Variants in MFAP1 observed in about 807,000 individuals in gnomAD.
MFAP1 encodes the protein microfibril associated protein 1.
A neutral mutation model predicts 62.2 loss-of-function variants in MFAP1; 18 were observed. The ratio of observed to expected loss-of-function variants is 0.29; its 90% confidence interval spans 0.20 to 0.43. The LOEUF is 0.43. MFAP1 is among the 20% of genes least tolerant of loss of function. The pLI is 1.00. For missense variants in MFAP1, 355 were observed against 559.7 expected, an observed-to-expected ratio of 0.63 and a Z score of 3.69; for synonymous variants, 175 against 180.4, an observed-to-expected ratio of 0.97 and a Z score of 0.24.
intron 6 of MFAP1, among the ~76,000 whole-genome samples, chr15:43,810,649 G>C (rs773660546): frequency 6.6e-6 from 1 of 152,168 alleles, no homozygotes; most frequent in Non-Finnish European, 1.5e-5. Context: ...TTATAGGCGT[G>C]AGCCACTGCG....
intron 7 of MFAP1, among the ~76,000 whole-genome samples, chr15:43,808,269 G>C (rs902123038): frequency 6.6e-6 from 1 of 152,226 alleles, no homozygotes; most frequent in Non-Finnish European, 1.5e-5. Flanking sequence ...GCAGTGGCAC[G>C]ATCACGGCTG....
chr15:43,813,167 C>T lies in MFAP1; in HGVS notation c.727-20G>A. ...GACAATCTGGATAGGGAGAACAATTCAGCTTGGACTTCCTTACTCTCCTCA... is the reference window on the plus strand; with the variant it reads ...GACAATCTGGATAGGGAGAACAATTTAGCTTGGACTTCCTTACTCTCCTCA... On this transcript the variant is annotated intron_variant, in intron 5 of 8. Coordinates refer to ENST00000267812, the MANE Select transcript of MFAP1 (RefSeq NM_005926.3). The T allele has an allele frequency of 6.2e-7, 1 of 1,613,952 alleles. No homozygotes were observed. The highest frequency in any genetic ancestry group is 1.7e-5 in the Admixed American group (1 of 59,944).
chr15:43,812,204 A>AG (rs2087406183), intron 6 of MFAP1, among the ~76,000 whole-genome samples: 1 of 151,822 alleles, frequency 6.6e-6, no homozygotes, highest in African/African-American at 2.4e-5. Context: ...AAAAAAAAAA[A>AG]GATTCTGCTC....
At position 43,824,612 on chromosome 15, in the gene MFAP1, A is replaced by G. The variant is rs1490153002; in HGVS notation, c.-43T>C. 1 of 1,604,590 alleles carries G rather than the reference A, an allele frequency of 6.2e-7. No homozygotes were observed. Among genetic ancestry groups the G allele is most frequent in the Non-Finnish European group, 8.5e-7 (1 of 1,171,356 alleles). ...TGATTCCCGAAACTTGACTAATTCCAAACAGTGAACACCAGCAACGTCAAC... is the reference window on the plus strand; with the variant it reads ...TGATTCCCGAAACTTGACTAATTCCGAACAGTGAACACCAGCAACGTCAAC... On this transcript the variant is annotated 5_prime_UTR_variant, in exon 1 of 9. Transcript: ENST00000267812.
chr15:43,822,329 G>A (rs2955969), intron 1 of MFAP1, among the ~76,000 whole-genome samples: 92,475 of 152,062 alleles, frequency 0.61, 31,142 homozygotes, highest in East Asian at 0.73. Flanking sequence ...CAAGTGTGTA[G>A]ATGATGAATA....
intron 1 of MFAP1, among the ~76,000 whole-genome samples, chr15:43,818,302 A>G (rs2141711413): frequency 6.6e-6 from 1 of 152,284 alleles, no homozygotes; most frequent in Non-Finnish European, 1.5e-5. Context: ...TACAGGCGTG[A>G]GCCACAGCAC....
chr15:43,824,585 G>A lies in MFAP1; in HGVS notation c.-16C>T, dbSNP rs1383292019. 1.5e-5 allele frequency: 25 copies of A among 1,613,876 alleles called. No homozygotes were observed. Among genetic ancestry groups the A allele is most frequent in the Non-Finnish European group, 2.1e-5 (25 of 1,179,910 alleles). The stretch of plus-strand genomic sequence containing the variant: ...GGACCGACATGTTGATGGCAGCGAC[G>A]GTGATTCCCGAAACTTGACTAATTC... On this transcript the variant is annotated 5_prime_UTR_variant, in exon 1 of 9. Coordinates refer to ENST00000267812, the MANE Select transcript of MFAP1 (RefSeq NM_005926.3).
chr15:43,811,348 G>A (rs2141706638), intron 6 of MFAP1, among the ~76,000 whole-genome samples: 1 of 149,854 alleles, frequency 6.7e-6, no homozygotes, highest in South Asian at 2.1e-4. Flanking sequence ...CCCAGGGGGT[G>A]GAGGTTGTAG....
intron 1 of MFAP1, among the ~76,000 whole-genome samples, chr15:43,820,673 A>G (rs2141712929): frequency 6.6e-6 from 1 of 152,296 alleles, no homozygotes; most frequent in South Asian, 2.1e-4. Flanking sequence ...TGGCGCAATC[A>G]TGGCTCACCG....
At chr15:43,823,951 T>A (rs1260471468) in intron 1 of MFAP1, among the ~76,000 whole-genome samples, 2 of 152,142 alleles carry the variant, frequency 1.3e-5, no homozygotes, top group East Asian at 3.9e-4. Flanking sequence ...AGAGGGACTG[T>A]ATCCCGCACA....
chr15:43,816,552 C>G (rs2087435096), intron 2 of MFAP1, among the ~76,000 whole-genome samples: 1 of 152,088 alleles, frequency 6.6e-6, no homozygotes, highest in Admixed American at 6.6e-5. Flanking sequence ...GCCATGGGCA[C>G]TGTTAATCTT....
intron 2 of MFAP1, among the ~76,000 whole-genome samples, chr15:43,816,588 A>T (rs2087435518): frequency 6.6e-6 from 1 of 152,138 alleles, no homozygotes; most frequent in East Asian, 1.9e-4. Context: ...TTAGGACATA[A>T]ATACTTATTA....
intron 6 of MFAP1, among the ~76,000 whole-genome samples, chr15:43,810,321 TA>T (rs1359603243): frequency 1.3e-5 from 2 of 151,806 alleles, no homozygotes; most frequent in African/African-American, 2.4e-5. Flanking sequence ...TTGCATGTCA[TA>T]AACCAAAGAT....
At chr15:43,811,626 G>A (rs1261873032) in intron 6 of MFAP1, among the ~76,000 whole-genome samples, 2 of 150,354 alleles carry the variant, frequency 1.3e-5, no homozygotes, top group Admixed American at 1.3e-4. Flanking sequence ...TCTTGCCTCC[G>A]CCTCCCGAGT....
rs1182939575 is a variant in MFAP1, at chr15:43,817,483, T to C, written c.80-35A>G. 5 of 1,607,720 alleles carry C rather than the reference T, an allele frequency of 3.1e-6. 1 individual carries two copies. The South Asian group carries it at 5.5e-5, about 18-fold the overall frequency. ...AAAGGTAACTTATGTTTCAGTAGCC[T>C]CTTTCTCAATGTGCTTCAACCCATC... On this transcript the variant is annotated intron_variant, in intron 1 of 8. Coordinates refer to ENST00000267812, the MANE Select transcript of MFAP1 (RefSeq NM_005926.3).
intron 1 of MFAP1, among the ~76,000 whole-genome samples, chr15:43,817,921 G>A (rs1171853965): frequency 6.6e-6 from 1 of 151,774 alleles, no homozygotes; most frequent in East Asian, 1.9e-4. Flanking sequence ...ACTGCCACAT[G>A]ACTCAATATT....
Position 43,815,060 on chromosome 15 carries a change from C to T in MFAP1, c.314G>A (p.Arg105Gln), listed in dbSNP as rs760983515. 4 of 1,614,034 alleles carry T rather than the reference C, an allele frequency of 2.5e-6. No homozygotes were observed. The highest frequency in any genetic ancestry group is 1.7e-5 in the Admixed American group (1 of 60,002). ...EDVEERLARH[R>Q]KIVEPEVVGE... is the part of the protein sequence containing the mutation. ...TACCACTTCAGGTTCCACTATTTTTCGATGTCGAGCCAATCTGAAAAACAG... is the reference window on the plus strand; with the variant it reads ...TACCACTTCAGGTTCCACTATTTTTTGATGTCGAGCCAATCTGAAAAACAG... Residue 105 changes from arginine to glutamine, a missense_variant, in exon 3 of 9, where the codon CGA (arginine) becomes CAA (glutamine). Physicochemically the swap from Arg to Gln is conservative, Grantham distance 43 (BLOSUM62 1). Around this residue, in one of 6 missense-constraint regions of MFAP1, gnomAD observed 257 missense variants for 341.3 expected, o/e 0.75. Transcript: ENST00000267812.
chr15:43,820,278 C>G (rs1265147700), intron 1 of MFAP1, among the ~76,000 whole-genome samples: 1 of 152,192 alleles, frequency 6.6e-6, no homozygotes, highest in Non-Finnish European at 1.5e-5. Flanking sequence ...GATCGCGCCA[C>G]TGCACTCCAG....
At chr15:43,810,053 A>G in intron 6 of MFAP1, 139 bp from the exon 7 acceptor site, 1 of 1,017,682 alleles carries the variant, frequency 9.8e-7, no homozygotes, top group East Asian at 2.4e-5. Context: ...GAATCAAGAT[A>G]AGGAGCTCAA....
Sources: gnomAD v4.1 joint callset for allele counts (sites outside exome capture counted in the v4.1 genomes callset) on GRCh38, gnomAD v4.1.1 for gene constraint, gnomAD v4.1.1 regional missense constraint, MANE v1.5 for transcripts, NCBI Gene and HGNC (gene_info 2026-07-23, HGNC 2026-07-21) for gene names.